The following AP4S1 variants were observed in gnomAD, a reference collection of about 807,000 sequenced individuals.
The protein encoded by AP4S1 is AP-4 complex subunit sigma-1.
In AP4S1, 23 loss-of-function variants were observed where a neutral mutation model predicts 19.8. The observed-to-expected ratio is 1.16, with a 90% confidence interval of 0.84 to 1.65. The LOEUF (loss-of-function observed/expected upper bound fraction) is 1.65, where lower values mean the gene tolerates loss of function less well. Ranked by LOEUF, AP4S1 falls within the 40% of genes most tolerant of loss-of-function variation. AP4S1 has a pLI of 0.00. For synonymous variants in AP4S1, 46 were observed against 54.1 expected, an observed-to-expected ratio of 0.85 and a Z score of 0.66; for missense variants, 166 against 172.8, an observed-to-expected ratio of 0.96 and a Z score of 0.22.
intron 1 of AP4S1, among the ~76,000 whole-genome samples, chr14:31,037,625 T>G (rs1243698271): frequency 6.6e-6 from 1 of 152,164 alleles, no homozygotes. Context: ...GGGCAACAGT[T>G]GGGCAGGCTC....
intron 4 of AP4S1, among the ~76,000 whole-genome samples, chr14:31,073,824 G>A (rs551800485): frequency 9.9e-5 from 15 of 151,350 alleles, no homozygotes; most frequent in South Asian, 2.1e-4. Context: ...GATTACAGGC[G>A]TGAGCCACCG....
intron 1 of AP4S1, among the ~76,000 whole-genome samples, chr14:31,037,927 G>A (rs1346395866): frequency 6.6e-6 from 1 of 152,226 alleles, no homozygotes; most frequent in Admixed American, 6.5e-5. Flanking sequence ...ACTCTGGCCT[G>A]GGTGACAGAG....
chr14:31,088,819 A>G (rs1887993832), intron 5 of AP4S1, among the ~76,000 whole-genome samples: 1 of 149,648 alleles, frequency 6.7e-6, no homozygotes, highest in African/African-American at 2.5e-5. Flanking sequence ...AAAAAAAAAA[A>G]AAAAAAAAAA....
chr14:31,084,468 C>T (rs1355316729), intron 5 of AP4S1, among the ~76,000 whole-genome samples: 1 of 152,218 alleles, frequency 6.6e-6, no homozygotes, highest in African/African-American at 2.4e-5. Flanking sequence ...AGGACCTAAG[C>T]ATAAGAAATC....
intron 1 of AP4S1, among the ~76,000 whole-genome samples, chr14:31,064,866 G>C (rs1886630590): frequency 6.6e-6 from 1 of 152,132 alleles, no homozygotes; most frequent in African/African-American, 2.4e-5. Flanking sequence ...GAGGTGGGGA[G>C]ATCACTTGAG....
At chr14:31,071,700 G>A (rs879257994) in intron 3 of AP4S1, among the ~76,000 whole-genome samples, 81 of 151,898 alleles carry the variant, frequency 5.3e-4, no homozygotes, top group African/African-American at 1.8e-3. Context: ...TTACAGGCGT[G>A]AGCCACCGCA....
chr14:31,028,703 A>G (rs942931777), intron 1 of AP4S1, among the ~76,000 whole-genome samples: 4 of 151,772 alleles, frequency 2.6e-5, no homozygotes, highest in African/African-American at 4.8e-5. Context: ...ACTTGAGCTC[A>G]GGAGTTGGAG....
chr14:31,094,462 G>A lies in AP4S1; in HGVS notation c.*1427G>A, dbSNP rs1888152399. ...AATGCAAAAATCAGCCGGGTGTGGT[G>A]GCACATACCTGTAGTCTCAACTACT... is the stretch of plus-strand genomic sequence containing the variant. On this transcript the variant is annotated 3_prime_UTR_variant, in exon 6 of 6. Transcript: ENST00000542754. The A allele has an allele frequency of 6.6e-6, 1 of 151,476 alleles. No homozygotes were observed. Among genetic ancestry groups the A allele is most frequent in the Non-Finnish European group, 1.5e-5 (1 of 68,040 alleles). 9.4% of individuals were successfully genotyped at this position (151,476 alleles called of 1,614,324 possible). A position where few individuals can be genotyped will look rare whatever the true frequency, so the allele number is the denominator to read the frequency against.
At chr14:31,033,833 G>T (rs1414565166) in intron 1 of AP4S1, among the ~76,000 whole-genome samples, 1 of 152,166 alleles carries the variant, frequency 6.6e-6, no homozygotes, top group Non-Finnish European at 1.5e-5. Flanking sequence ...AGGAAACTCA[G>T]CATGCTGTAT....
chr14:31,025,580 A>G, upstream of AP4S1: 1 of 421,412 alleles, frequency 2.4e-6, no homozygotes. Context: ...TCTCCCACAG[A>G]GAGGTGCTCG....
chr14:31,062,685 T>C (rs917552197), intron 1 of AP4S1, among the ~76,000 whole-genome samples: 2 of 151,884 alleles, frequency 1.3e-5, no homozygotes, highest in Non-Finnish European at 2.9e-5. Flanking sequence ...CACTAGGAAT[T>C]GGCCAGGCGC....
chr14:31,095,863 C>A lies in AP4S1; in HGVS notation c.*2828C>A, dbSNP rs1888188972. The A allele has an allele frequency of 6.6e-6, 1 of 152,146 alleles. No individual in the cohort carries two copies. Among genetic ancestry groups the A allele is most frequent in the African/African-American group, 2.4e-5 (1 of 41,426 alleles). 9.4% of individuals were successfully genotyped at this position (152,146 alleles called of 1,614,324 possible). Reference sequence around the variant, plus strand: ...CTTTGGGACGCCAAGGTGGGTAGATCATTTGAGGTCAGGAGTTCAAGACCA... The same window carrying A: ...CTTTGGGACGCCAAGGTGGGTAGATAATTTGAGGTCAGGAGTTCAAGACCA... On this transcript the variant is annotated 3_prime_UTR_variant, in exon 6 of 6. Transcript: ENST00000542754.
At chr14:31,084,247 T>A (rs1346937352) in intron 5 of AP4S1, among the ~76,000 whole-genome samples, 1 of 152,182 alleles carries the variant, frequency 6.6e-6, no homozygotes. Flanking sequence ...GAGAAGGAAG[T>A]CAAAACCTGA....
In AP4S1 at chr14:31,095,159, A is replaced by C. The variant is rs1888169137; in HGVS notation, c.*2124A>C. ...CAGTGAACTATGATCACAACACTGT[A>C]CTCCAACCTGGGTAATGGAGTGAGG... On this transcript the variant is annotated 3_prime_UTR_variant, in exon 6 of 6. Coordinates refer to ENST00000542754, the MANE Select transcript of AP4S1 (RefSeq NM_001128126.3). The C allele has an allele frequency of 6.6e-6, 1 of 152,258 alleles. No homozygotes were observed. The highest frequency in any genetic ancestry group is 1.5e-5 in the Non-Finnish European group (1 of 68,070). 9.4% of individuals were successfully genotyped at this position (152,258 alleles called of 1,614,324 possible). A position where few individuals can be genotyped will look rare whatever the true frequency, so the allele number is the denominator to read the frequency against.
Position 31,095,780 on chromosome 14 carries a change from T to A in AP4S1, c.*2745T>A, listed in dbSNP as rs1888186356. 1 of 152,154 alleles carries A rather than the reference T, an allele frequency of 6.6e-6. No homozygotes were observed. Among genetic ancestry groups the A allele is most frequent in the Admixed American group, 6.5e-5 (1 of 15,270 alleles). 9.4% of individuals were successfully genotyped at this position (152,154 alleles called of 1,614,324 possible). ...AAGCTTACTGTTAATGAAATTTAGT[T>A]CAAAGTTTAAAAGTAGAATGCAGCC... On this transcript the variant is annotated 3_prime_UTR_variant, in exon 6 of 6. Coordinates refer to ENST00000542754, the MANE Select transcript of AP4S1 (RefSeq NM_001128126.3).
chr14:31,094,891 C>T lies in AP4S1; in HGVS notation c.*1856C>T, dbSNP rs1001978791. 1 of 152,278 alleles carries T rather than the reference C, an allele frequency of 6.6e-6. No homozygotes were observed. The highest frequency in any genetic ancestry group is 1.5e-5 in the Non-Finnish European group (1 of 68,150). 9.4% of individuals were successfully genotyped at this position (152,278 alleles called of 1,614,324 possible). A position where few individuals can be genotyped will look rare whatever the true frequency, so the allele number is the denominator to read the frequency against. On this transcript the variant is annotated 3_prime_UTR_variant, in exon 6 of 6. Transcript: ENST00000542754. ...GTTAGCCAGGCATGGTGGCAAGCAC[C>T]TCTAATCTCAGCTACTCAGGAGGCT...
rs917600093 is a variant in AP4S1, at chr14:31,095,732, T to C, written c.*2697T>C. 9 of 152,208 alleles carry C rather than the reference T, an allele frequency of 5.9e-5. No homozygotes were observed. The highest frequency in any genetic ancestry group is 1.9e-4 in the African/African-American group (8 of 41,454). 9.4% of individuals were successfully genotyped at this position (152,208 alleles called of 1,614,324 possible). A position where few individuals can be genotyped will look rare whatever the true frequency, so the allele number is the denominator to read the frequency against. ...CTGTGCCCAGTCTTTTTATGCCACATTTTAAAAGGTTTGCTTATTAATAAG... is the reference window on the plus strand; with the variant it reads ...CTGTGCCCAGTCTTTTTATGCCACACTTTAAAAGGTTTGCTTATTAATAAG... On this transcript the variant is annotated 3_prime_UTR_variant, in exon 6 of 6. Transcript: ENST00000542754.
In AP4S1 at chr14:31,072,965, A is replaced by C. The variant is rs2139067938; in HGVS notation, c.286A>C (p.Ser96Arg). The change falls in exon 4 of 6, where the codon AGC becomes CGC. Residue 96 changes from serine (S) to arginine (R), a missense_variant. Transcript: ENST00000542754. ...NFVEVLDEYF[S>R]RVSELDIMFN... ...TGTGGAAGTTTTAGATGAGTATTTCAGCCGAGTGGTAAGTCTAATGGCTAA... is the reference window on the plus strand; with the variant it reads ...TGTGGAAGTTTTAGATGAGTATTTCCGCCGAGTGGTAAGTCTAATGGCTAA... 1 of 1,613,776 alleles carries C rather than the reference A, an allele frequency of 6.2e-7. No individual in the cohort carries two copies. The highest frequency in any genetic ancestry group is 2.2e-5 in the East Asian group (1 of 44,862).
intron 5 of AP4S1, 87 bp from the exon 6 acceptor site, chr14:31,092,820 A>T: frequency 1.0e-6 from 1 of 1,002,188 alleles, no homozygotes; most frequent in Non-Finnish European, 1.4e-6. Flanking sequence ...GCTAATTTAC[A>T]CTGGGAACAC....
Sources: gnomAD v4.1 joint callset for allele counts (sites outside exome capture counted in the v4.1 genomes callset) on GRCh38, gnomAD v4.1.1 for gene constraint, MANE v1.5 for transcripts, NCBI Gene and HGNC (gene_info 2026-07-23, HGNC 2026-07-21) for gene names.